DIP2C: variants seen among roughly 807,000 people sequenced by gnomAD.
DIP2C encodes the protein disco-interacting protein 2 homolog C.
Under a neutral mutation model 192.4 loss-of-function variants are expected in DIP2C, and 33 were observed. The ratio of observed to expected loss-of-function variants is 0.17; its 90% CI spans 0.13 to 0.23. The LOEUF is 0.23. Among genes scored for constraint, DIP2C ranks in the 10% least tolerant of loss-of-function variants. The pLI is 1.00. For synonymous variants in DIP2C, 979 were observed against 864.1 expected (o/e 1.13, Z -2.33); for missense variants, 1,537 against 2,110.1 (o/e 0.73, Z 5.32).
intron 2 of DIP2C, among the ~76,000 whole-genome samples, chr10:482,304 G>A (rs1564770918): frequency 6.6e-6 from 1 of 152,172 alleles, no homozygotes; most frequent in Non-Finnish European, 1.5e-5. Context: ...CTGCAGGCCA[G>A]AGGCCTCCGG....
At position 345,486 on chromosome 10, in the gene DIP2C, C is replaced by T. The variant is rs1262554251; in HGVS notation, c.3232-376G>A. 2.1e-5 allele frequency among the ~76,000 whole-genome samples: 3 copies of T among 144,446 alleles called. No homozygotes were observed. The Admixed American group carries it at 2.1e-4, about 10-fold the overall frequency. The allele number at this position is 144,446 out of a possible 152,430, so 94.8% of individuals were successfully genotyped here. On this transcript the variant is annotated intron_variant, in intron 26 of 36. Transcript: ENST00000280886. ...AAACGTCACACACACCCAGGCACAT[C>T]GCGCACAGTTCTCCCGGAAACCCCA...
At chr10:300,386 G>A (rs1031180661) in intron 32 of DIP2C, among the ~76,000 whole-genome samples, 8 of 148,002 alleles carry the variant, frequency 5.4e-5, no homozygotes, top group Middle Eastern at 3.4e-3. Flanking sequence ...ACATCAGCCA[G>A]TCACGAAAAG....
chr10:514,957 A>C (rs796516438), intron 1 of DIP2C, among the ~76,000 whole-genome samples: 22 of 152,338 alleles, frequency 1.4e-4, no homozygotes, highest in African/African-American at 5.3e-4. Flanking sequence ...GCTTTTTTTA[A>C]CTTCTTTTAT....
rs190288802 is a variant in DIP2C, at chr10:553,933, C to A, written c.86-67403G>T. 2.7e-5 allele frequency among the ~76,000 whole-genome samples: 4 copies of A among 150,604 alleles called. No homozygotes were observed. In the East Asian group the frequency reaches 5.8e-4, roughly 22 times the overall value. ...CGCTTGTAACTGTAACAGTGGTGAACAGGCAAGAAATGATACCTCATAGAA... is the reference window on the plus strand; with the variant it reads ...CGCTTGTAACTGTAACAGTGGTGAAAAGGCAAGAAATGATACCTCATAGAA... On this transcript the variant is annotated intron_variant, in intron 1 of 36. Coordinates refer to ENST00000280886, the MANE Select transcript of DIP2C (RefSeq NM_014974.3).
intron 1 of DIP2C, among the ~76,000 whole-genome samples, chr10:518,831 C>G (rs910531357): frequency 6.6e-6 from 1 of 152,186 alleles, no homozygotes. Context: ...CTCTCCTCAC[C>G]GCCACCACAG....
intron 2 of DIP2C, among the ~76,000 whole-genome samples, chr10:481,725 G>A (rs1843626163): frequency 6.6e-6 from 1 of 152,204 alleles, no homozygotes; most frequent in Non-Finnish European, 1.5e-5. Context: ...ACGTGGATCT[G>A]AGCATCATGC....
At chr10:290,497 G>T (rs1328273713) in intron 32 of DIP2C, among the ~76,000 whole-genome samples, 1 of 152,192 alleles carries the variant, frequency 6.6e-6, no homozygotes, top group Non-Finnish European at 1.5e-5. Context: ...ACATACTTGG[G>T]ATGTCGGCAG....
At chr10:278,222 C>T (rs1292395877) in intron 36 of DIP2C, among the ~76,000 whole-genome samples, 1 of 151,970 alleles carries the variant, frequency 6.6e-6, no homozygotes, top group African/African-American at 2.4e-5. Flanking sequence ...TGTCTGTGCA[C>T]CCGAGTCCAG....
Position 682,744 on chromosome 10 carries a change from C to CAA in DIP2C, c.85+6748_85+6749dup, listed in dbSNP as rs78896185. ...TGATTTGACTAACCAGATAATTCAG[C>CAA]AAAAAAAAAAAATCAATCGTGCCTA... On this transcript the variant is annotated intron_variant, in intron 1 of 36. Transcript: ENST00000280886. Among the ~76,000 whole-genome samples, 598 of 141,704 alleles carry CAA rather than the reference C, an allele frequency of 4.2e-3. 2 individuals are homozygous for CAA. Among genetic ancestry groups the CAA allele is most frequent in the East Asian group, 0.022 (111 of 4,950 alleles). 93.0% of individuals were successfully genotyped at this position (141,704 alleles called of 152,430 possible). A position where few individuals can be genotyped will look rare whatever the true frequency, so the allele number is the denominator to read the frequency against.
intron 1 of DIP2C, among the ~76,000 whole-genome samples, chr10:660,706 A>G (rs1335175144): frequency 1.3e-5 from 2 of 152,228 alleles, no homozygotes; most frequent in African/African-American, 2.4e-5. Flanking sequence ...AAGACTCTAC[A>G]AGGTCATTAG....
chr10:615,627 C>A (rs897759882), intron 1 of DIP2C, among the ~76,000 whole-genome samples: 7 of 151,646 alleles, frequency 4.6e-5, no homozygotes, highest in East Asian at 1.9e-4. Context: ...ACACACACAC[C>A]CGCCCCACAC....
intron 1 of DIP2C, among the ~76,000 whole-genome samples, chr10:518,100 G>C (rs1846477096): frequency 6.6e-6 from 1 of 152,200 alleles, no homozygotes; most frequent in African/African-American, 2.4e-5. Context: ...ACACTGGCCA[G>C]CAAGTCCTGG....
Position 553,814 on chromosome 10 carries a change from G to A in DIP2C, c.86-67284C>T, listed in dbSNP as rs185378795. On this transcript the variant is annotated intron_variant, in intron 1 of 36. Coordinates refer to ENST00000280886, the MANE Select transcript of DIP2C (RefSeq NM_014974.3). The stretch of plus-strand genomic sequence containing the variant: ...TACCGCTTGTAACTGTAAGAGTGGC[G>A]AACAGGCAAGAAATATACCTCATAG... 8.1e-3 allele frequency among the ~76,000 whole-genome samples: 1,230 copies of A among 151,762 alleles called. 8 individuals carry two copies. Among genetic ancestry groups the A allele is most frequent in the Non-Finnish European group, 0.013 (872 of 67,972 alleles).
chr10:495,264 A>T (rs909098127), intron 1 of DIP2C, among the ~76,000 whole-genome samples: 1 of 152,196 alleles, frequency 6.6e-6, no homozygotes, highest in African/African-American at 2.4e-5. Context: ...ACACACTTCA[A>T]GAAAAAATGA....
At chr10:292,020 A>C (rs568396978) in intron 32 of DIP2C, among the ~76,000 whole-genome samples, 10 of 152,352 alleles carry the variant, frequency 6.6e-5, no homozygotes, top group African/African-American at 1.7e-4. Context: ...TCATGCTGTA[A>C]GAAGACTCTC....
chr10:341,160 T>C (rs756947701), intron 29 of DIP2C, 39 bp downstream of exon 29: 1 of 1,612,910 alleles, frequency 6.2e-7, no homozygotes. Context: ...GGAAGGTGCA[T>C]GATTTTTTTT....
intron 1 of DIP2C, among the ~76,000 whole-genome samples, chr10:625,456 T>C (rs1024102884): frequency 3.9e-5 from 6 of 152,182 alleles, no homozygotes; most frequent in African/African-American, 1.4e-4. Context: ...TTCTGCTCCC[T>C]GTGAAAGGCC....
At chr10:625,597 G>GA (rs995770138) in intron 1 of DIP2C, among the ~76,000 whole-genome samples, 2 of 152,038 alleles carry the variant, frequency 1.3e-5, no homozygotes, top group East Asian at 1.9e-4. Context: ...CAGGCTCGGG[G>GA]AAGGACAGAA....
chr10:538,451 T>C (rs1321725082), intron 1 of DIP2C, among the ~76,000 whole-genome samples: 1 of 152,212 alleles, frequency 6.6e-6, no homozygotes, highest in African/African-American at 2.4e-5. Flanking sequence ...CATGAGCCAT[T>C]GTGCCCAGTC....
Sources: gnomAD v4.1 joint callset for allele counts (sites outside exome capture counted in the v4.1 genomes callset) on GRCh38, gnomAD v4.1.1 for gene constraint, MANE v1.5 for transcripts, NCBI Gene and HGNC (gene_info 2026-07-23, HGNC 2026-07-21) for gene names.